Variants in STAU2 observed in about 807,000 individuals in gnomAD.
STAU2 encodes double-stranded RNA-binding protein Staufen homolog 2.
STAU2 carries 20 observed loss-of-function variants against 65.9 expected under a neutral mutation model. The observed-to-expected ratio is 0.30, with a 90% CI of 0.21 to 0.44. The LOEUF (loss-of-function observed/expected upper bound fraction) is 0.44. STAU2 is among the 20% of genes least tolerant of loss of function. The pLI, the probability that STAU2 is intolerant of heterozygous loss-of-function variation, is 1.00. For synonymous variants in STAU2, 232 were observed against 233.9 expected, an observed-to-expected ratio of 0.99 and a Z score of 0.07; for missense variants, 558 against 683.9, an observed-to-expected ratio of 0.82 and a Z score of 2.05.
At chr8:73,542,842 T>C (rs1179667611) in intron 13 of STAU2, among the ~76,000 whole-genome samples, 1 of 152,182 alleles carries the variant, frequency 6.6e-6, no homozygotes, top group African/African-American at 2.4e-5. Flanking sequence ...AGGAATGTAA[T>C]GTATGTAATA....
chr8:73,485,439 T>C (rs1820865694), intron 13 of STAU2, among the ~76,000 whole-genome samples: 2 of 152,158 alleles, frequency 1.3e-5, no homozygotes, highest in South Asian at 4.1e-4. Flanking sequence ...AATTACCAAG[T>C]GGCCTCGTGA....
At chr8:73,673,868 C>T (rs1817855229) in intron 5 of STAU2, among the ~76,000 whole-genome samples, 1 of 151,932 alleles carries the variant, frequency 6.6e-6, no homozygotes, top group African/African-American at 2.4e-5. Context: ...ACCATCAATG[C>T]AGCATCAGTT....
At chr8:73,679,447 CG>C (rs1246181667) in intron 5 of STAU2, among the ~76,000 whole-genome samples, 1 of 151,532 alleles carries the variant, frequency 6.6e-6, no homozygotes, top group African/African-American at 2.4e-5. Flanking sequence ...GCCAAAACAC[CG>C]TGAGTGCCCA....
chr8:73,422,052 G>C (rs1481792013), intron 14 of STAU2, among the ~76,000 whole-genome samples: 1 of 151,408 alleles, frequency 6.6e-6, no homozygotes, highest in African/African-American at 2.4e-5. Flanking sequence ...TTAAAGCAAA[G>C]CTATGAGCTG....
intron 13 of STAU2, among the ~76,000 whole-genome samples, chr8:73,452,156 C>T (rs1795066567): frequency 6.6e-6 from 1 of 152,150 alleles, no homozygotes; most frequent in Non-Finnish European, 1.5e-5. Flanking sequence ...ATTTCAGGTT[C>T]CCAGGGGAGG....
At chr8:73,651,386 A>G in intron 6 of STAU2, 1 of 667,892 alleles carries the variant, frequency 1.5e-6, no homozygotes, top group Non-Finnish European at 2.8e-6. Flanking sequence ...GAGGCTGGCC[A>G]GGGAAATGCA....
chr8:73,734,012 G>C (rs192897186), intron 3 of STAU2, among the ~76,000 whole-genome samples: 14 of 151,908 alleles, frequency 9.2e-5, no homozygotes, highest in Non-Finnish European at 1.6e-4. Context: ...ATAAGGGCTT[G>C]GTTAAATTTT....
At chr8:73,709,937 G>A (rs1436350641) in intron 3 of STAU2, among the ~76,000 whole-genome samples, 1 of 151,888 alleles carries the variant, frequency 6.6e-6, no homozygotes, top group Admixed American at 6.6e-5. Flanking sequence ...TCTTCATTGT[G>A]TTCTCAAGAC....
At chr8:73,641,913 G>A (rs1192195707) in intron 6 of STAU2, among the ~76,000 whole-genome samples, 1 of 152,088 alleles carries the variant, frequency 6.6e-6, no homozygotes, top group African/African-American at 2.4e-5. Context: ...TTAAGTTCAG[G>A]TTTACAAACC....
intron 3 of STAU2, among the ~76,000 whole-genome samples, chr8:73,732,136 A>C (rs1806114254): frequency 1.3e-5 from 2 of 152,196 alleles, no homozygotes; most frequent in South Asian, 4.1e-4. Flanking sequence ...TCTGCTTCCA[A>C]GAAGGCTCGT....
At position 73,486,666 on chromosome 8, in the gene STAU2, T is replaced by A. The variant is rs1400076820; in HGVS notation, c.1531-63964A>T. Among the ~76,000 whole-genome samples the A allele has an allele frequency of 2.5e-3, 375 of 148,462 alleles. 2 individuals carry two copies. Among genetic ancestry groups the A allele is most frequent in the African/African-American group, 8.8e-3 (361 of 40,806 alleles). Reference sequence around the variant, plus strand: ...AAATATATATATATATATTTTTTTTTTTTTTGAGACAGGGTCTTGCTCTGT... The same window carrying A: ...AAATATATATATATATATTTTTTTTATTTTTGAGACAGGGTCTTGCTCTGT... On this transcript the variant is annotated intron_variant, in intron 13 of 14. Transcript: ENST00000524300.
intron 2 of STAU2, 149 bp from the exon 3 acceptor site, chr8:73,738,498 G>C: frequency 4.8e-6 from 3 of 619,498 alleles, no homozygotes; most frequent in Non-Finnish European, 7.9e-6. Context: ...AAAATGTTCT[G>C]TACTTGCACT....
chr8:73,492,758 C>T (rs557858076), intron 13 of STAU2, among the ~76,000 whole-genome samples: 12 of 151,760 alleles, frequency 7.9e-5, no homozygotes, highest in Admixed American at 2.6e-4. Flanking sequence ...CATCCTTTGA[C>T]CCAACATTCC....
chr8:73,682,842 C>G (rs1042927121), intron 5 of STAU2, among the ~76,000 whole-genome samples: 3 of 152,032 alleles, frequency 2.0e-5, no homozygotes, highest in Non-Finnish European at 2.9e-5. Flanking sequence ...AACACCTTTA[C>G]ACACACAAAC....
rs747501019 is a variant in STAU2, at chr8:73,613,911, G to T, written c.724C>A (p.Arg242=). 1.2e-6 allele frequency: 2 copies of T among 1,612,680 alleles called. No homozygotes were observed. Among genetic ancestry groups the T allele is most frequent in the Non-Finnish European group, 1.7e-6 (2 of 1,179,640 alleles). The change falls in exon 9 of 15, where the codon CGA becomes AGA. Residue 242 remains arginine, a synonymous_variant. Coordinates refer to ENST00000524300, the MANE Select transcript of STAU2 (RefSeq NM_001164380.2). ...GPPHMKSFVT[R]VSVGEFSAEG... is the part of the protein sequence containing the mutation. ...GCAGAGAACTCTCCTACTGACACTC[G>T]AGTAACAAAGCTTTTCATATGTGGT...
intron 9 of STAU2, among the ~76,000 whole-genome samples, chr8:73,611,216 T>C (rs1046067726): frequency 2.0e-5 from 3 of 152,204 alleles, no homozygotes; most frequent in African/African-American, 4.8e-5. Flanking sequence ...GGTATGAACA[T>C]ACTTAAAATT....
intron 6 of STAU2, among the ~76,000 whole-genome samples, chr8:73,659,133 A>G (rs1386876680): frequency 6.6e-6 from 1 of 152,210 alleles, no homozygotes; most frequent in East Asian, 1.9e-4. Flanking sequence ...CAGAAAAAAA[A>G]GCTTCAAAAG....
rs115485857 is a variant in STAU2 at position 73,499,592 on chromosome 8, C to T, written c.1530+52420G>A. On this transcript the variant is annotated intron_variant, in intron 13 of 14. Coordinates refer to ENST00000524300, the MANE Select transcript of STAU2 (RefSeq NM_001164380.2). ...AGGGTGACTGTGGCCAGGTCAGTTG[C>T]AATGGTGACTGGGATGGTATCCATC... 9.6e-3 allele frequency among the ~76,000 whole-genome samples: 1,463 copies of T among 151,830 alleles called. 35 individuals carry two copies. Among genetic ancestry groups the T allele is most frequent in the African/African-American group, 0.034 (1,406 of 41,452 alleles).
At chr8:73,451,257 T>A (rs2128895174) in intron 13 of STAU2, among the ~76,000 whole-genome samples, 1 of 152,250 alleles carries the variant, frequency 6.6e-6, no homozygotes, top group East Asian at 1.9e-4. Context: ...AATAGGGGTG[T>A]CTATAAAGAA....
Sources: gnomAD v4.1 joint callset for allele counts (sites outside exome capture counted in the v4.1 genomes callset) on GRCh38, gnomAD v4.1.1 for gene constraint, MANE v1.5 for transcripts, NCBI Gene and HGNC (gene_info 2026-07-23, HGNC 2026-07-21) for gene names.